The following SSUH2 variants were observed in gnomAD, a reference collection of about 807,000 sequenced individuals.
SSUH2 encodes the protein ssu-2 homolog, also known as protein SSUH2 homolog.
Under a neutral mutation model 55.3 loss-of-function variants are expected in SSUH2, and 47 were observed. That is an observed-to-expected ratio of 0.85 (90% CI 0.67 to 1.08). The LOEUF is 1.08. Among genes scored for constraint, SSUH2 ranks in the 50% least tolerant of loss-of-function variants. SSUH2 has a pLI of 0.00. For missense variants in SSUH2, 535 were observed against 490.7 expected (o/e 1.09, Z -0.85); for synonymous variants, 212 against 191.5 (o/e 1.11, Z -0.89).
chr3:8,670,536 A>G (rs1353136672), intron 5 of SSUH2, among the ~76,000 whole-genome samples: 2 of 152,004 alleles, frequency 1.3e-5, no homozygotes, highest in Admixed American at 6.5e-5. Context: ...ACAGGCGTTG[A>G]ATACGTATGT....
intron 2 of SSUH2, among the ~76,000 whole-genome samples, chr3:8,678,875 A>C (rs1446760520): frequency 9.4e-6 from 1 of 105,988 alleles, no homozygotes; most frequent in East Asian, 2.4e-4. Context: ...CCTGGCTCTT[A>C]GGATCCCCAT....
chr3:8,678,506 C>T lies in SSUH2; in HGVS notation c.-900-1153G>A, dbSNP rs1285381353. 7.3e-5 allele frequency among the ~76,000 whole-genome samples: 10 copies of T among 137,402 alleles called. 1 individual carries two copies. Among genetic ancestry groups the T allele is most frequent in the East Asian group, 4.1e-4 (2 of 4,868 alleles). The allele number at this position is 137,402 out of a possible 152,430, so 90.1% of individuals were successfully genotyped here. On this transcript the variant is annotated intron_variant, in intron 2 of 18. Coordinates refer to the SSUH2 transcript ENST00000317371. ...CATTGCAAGGGGGTGAGGCACCCCCCGCGAGGCGGGGACTGAGAGCCAGCC... is the reference window on the plus strand; with the variant it reads ...CATTGCAAGGGGGTGAGGCACCCCCTGCGAGGCGGGGACTGAGAGCCAGCC...
chr3:8,653,534 A>G (rs1702641653), intron 7 of SSUH2, among the ~76,000 whole-genome samples: 1 of 152,244 alleles, frequency 6.6e-6, no homozygotes, highest in African/African-American at 2.4e-5. Context: ...TGTCAACAGC[A>G]TACACAGTTT....
chr3:8,649,523 A>G (rs1702141775), upstream of SSUH2, among the ~76,000 whole-genome samples: 2 of 152,018 alleles, frequency 1.3e-5, no homozygotes, highest in South Asian at 4.2e-4. Flanking sequence ...TGACTCCTCT[A>G]TCTGGCTGGG....
At chr3:8,635,464 G>T in intron 2 of SSUH2, 83 bp from the exon 3 acceptor site, 1 of 1,029,874 alleles carries the variant, frequency 9.7e-7, no homozygotes, top group Non-Finnish European at 1.4e-6. Context: ...AAGACTGATT[G>T]AATGTGAGAA....
At position 8,678,758 on chromosome 3, in the gene SSUH2, A is replaced by T. The variant is rs56298951; in HGVS notation, c.-901+947T>A. Among the ~76,000 whole-genome samples, 99 of 27,936 alleles carry T rather than the reference A, an allele frequency of 3.5e-3. 25 individuals carry two copies. The highest frequency in any genetic ancestry group is 0.014 in the South Asian group (7 of 514). 18.3% of individuals were successfully genotyped at this position (27,936 alleles called of 152,430 possible). A position where few individuals can be genotyped will look rare whatever the true frequency, so the allele number is the denominator to read the frequency against. On this transcript the variant is annotated intron_variant, in intron 2 of 18. Coordinates refer to the SSUH2 transcript ENST00000317371. ...GAGGCACCACACGCGAGGCGGGGAA[A>T]GAGAGCCAGCCCCTCTTCCCTCCCT...
intron 6 of SSUH2, chr3:8,663,673 T>C (rs1703714011): frequency 5.3e-6 from 2 of 380,830 alleles, no homozygotes; most frequent in Non-Finnish European, 1.1e-5. Flanking sequence ...TAGGAATGTG[T>C]TAATTGATTA....
chr3:8,627,624 C>A, intron 8 of SSUH2, 74 bp downstream of exon 8: 1 of 1,301,458 alleles, frequency 7.7e-7, no homozygotes, highest in Admixed American at 2.4e-5. Context: ...TTCCTGTTTG[C>A]CTTCCAGATG....
chr3:8,680,933 T>A (rs149523470), intron 1 of SSUH2, among the ~76,000 whole-genome samples: 2,697 of 151,966 alleles, frequency 0.018, 46 homozygotes, highest in Middle Eastern at 0.034. Flanking sequence ...GGGTGAACAC[T>A]GCCTGTGATG....
intron 3 of SSUH2, chr3:8,634,346 G>T: frequency 1.6e-6 from 2 of 1,270,434 alleles, no homozygotes; most frequent in Non-Finnish European, 2.1e-6. Flanking sequence ...CTTTCTGCAT[G>T]CCTCCCCCTC....
chr3:8,662,315 T>C (rs1035096350), intron 6 of SSUH2, among the ~76,000 whole-genome samples: 7 of 152,126 alleles, frequency 4.6e-5, no homozygotes, highest in African/African-American at 7.2e-5. Context: ...GAGTGTGAAA[T>C]GCGCACCTTT....
chr3:8,653,839 C>T (rs1284432883), intron 7 of SSUH2, among the ~76,000 whole-genome samples: 1 of 152,140 alleles, frequency 6.6e-6, no homozygotes, highest in Non-Finnish European at 1.5e-5. Flanking sequence ...CAGAACATGA[C>T]CAGATTCTGA....
intron 3 of SSUH2, among the ~76,000 whole-genome samples, chr3:8,673,591 C>A (rs774750380): frequency 2.6e-5 from 4 of 152,214 alleles, no homozygotes; most frequent in Non-Finnish European, 5.9e-5. Flanking sequence ...CACAACCACA[C>A]CTGGGTTGAT....
At chr3:8,648,570 C>A (rs181097149), upstream of SSUH2, among the ~76,000 whole-genome samples, 8 of 152,174 alleles carry the variant, frequency 5.3e-5, no homozygotes, top group Non-Finnish European at 7.4e-5. Flanking sequence ...GGTGCCCCCC[C>A]ATCCTGAAGT....
intron 5 of SSUH2, among the ~76,000 whole-genome samples, chr3:8,668,253 G>T (rs1308761482): frequency 1.3e-5 from 2 of 152,176 alleles, no homozygotes; most frequent in Non-Finnish European, 2.9e-5. Flanking sequence ...AGTATTCTAA[G>T]ATCAGCATTC....
At chr3:8,646,449 C>T (rs551458406), upstream of SSUH2, among the ~76,000 whole-genome samples, 5 of 152,066 alleles carry the variant, frequency 3.3e-5, no homozygotes, top group East Asian at 1.9e-4. Context: ...TACAAGGACC[C>T]GAAATCTTGA....
upstream of SSUH2, among the ~76,000 whole-genome samples, chr3:8,645,907 T>C (rs1022201097): frequency 3.3e-5 from 5 of 152,224 alleles, no homozygotes; most frequent in Admixed American, 2.0e-4. Flanking sequence ...TTCAGCAGTA[T>C]TCACAATTTC....
At chr3:8,622,820 C>T (rs1559275296) in intron 11 of SSUH2, among the ~76,000 whole-genome samples, 1 of 152,146 alleles carries the variant, frequency 6.6e-6, no homozygotes, top group Non-Finnish European at 1.5e-5. Flanking sequence ...TGCTGCAAAA[C>T]CCTCTGAGGT....
At chr3:8,650,057 G>A (rs1381454723) in intron 7 of SSUH2, among the ~76,000 whole-genome samples, 1 of 152,052 alleles carries the variant, frequency 6.6e-6, no homozygotes, top group African/African-American at 2.4e-5. Flanking sequence ...TGCACTTGCT[G>A]TACTGGAGAC....
Sources: gnomAD v4.1 joint callset for allele counts (sites outside exome capture counted in the v4.1 genomes callset) on GRCh38, gnomAD v4.1.1 for gene constraint, MANE v1.5 for transcripts, NCBI Gene and HGNC (gene_info 2026-07-23, HGNC 2026-07-21) for gene names.